The following NELL1 variants were observed in gnomAD, a reference collection of about 807,000 sequenced individuals.
The protein encoded by NELL1 is neural EGFL like 1.
In NELL1, 76 loss-of-function variants were observed where a neutral mutation model predicts 107.4. That is an observed-to-expected ratio of 0.71 (90% confidence interval 0.59 to 0.86). The LOEUF (loss-of-function observed/expected upper bound fraction) is 0.86. Among genes scored for constraint, NELL1 ranks in the 40% least tolerant of loss-of-function variants. The probability of loss-of-function intolerance (pLI) is 0.00; values close to 1 mark genes in which losing one functional copy is unlikely to be tolerated. For missense variants in NELL1, 1,024 were observed against 1,005.5 expected (o/e 1.02, Z -0.25); for synonymous variants, 353 against 341.2 (o/e 1.03, Z -0.38).
At chr11:21,037,811 A>G (rs1195221672) in intron 12 of NELL1, among the ~76,000 whole-genome samples, 8 of 152,152 alleles carry the variant, frequency 5.3e-5, no homozygotes, top group African/African-American at 1.9e-4. Context: ...AGGGTTTGCT[A>G]TATTTTATCC....
chr11:21,207,317 T>A, intron 13 of NELL1, among the ~76,000 whole-genome samples: 1 of 152,184 alleles, frequency 6.6e-6, no homozygotes, highest in East Asian at 1.9e-4. Context: ...CTCAGAGACA[T>A]CAAGTATGCT....
intron 12 of NELL1, among the ~76,000 whole-genome samples, chr11:20,966,507 T>C (rs1564990594): frequency 6.6e-6 from 1 of 152,102 alleles, no homozygotes; most frequent in Non-Finnish European, 1.5e-5. Flanking sequence ...TTTCCAGATA[T>C]TCAGAATGCT....
chr11:21,234,655 C>G (rs1858154900), intron 14 of NELL1, among the ~76,000 whole-genome samples: 1 of 152,180 alleles, frequency 6.6e-6, no homozygotes, highest in Admixed American at 6.5e-5. Flanking sequence ...TGAAACCATT[C>G]ATTATGAGTA....
intron 14 of NELL1, chr11:21,283,687 T>C (rs1849046895): frequency 2.5e-5 from 4 of 161,414 alleles, no homozygotes; most frequent in African/African-American, 9.6e-5. Context: ...CAAGCAAGAA[T>C]CATGGGTCCA....
chr11:21,100,720 A>G (rs1161230747), intron 12 of NELL1, among the ~76,000 whole-genome samples: 1 of 152,166 alleles, frequency 6.6e-6, no homozygotes, highest in Non-Finnish European at 1.5e-5. Context: ...TAGAGGGCCC[A>G]AGACTCTGCT....
chr11:20,978,262 A>T (rs1590490969), intron 12 of NELL1, among the ~76,000 whole-genome samples: 1 of 152,206 alleles, frequency 6.6e-6, no homozygotes, highest in East Asian at 1.9e-4. Flanking sequence ...GCTGTTGTCG[A>T]CAGCCAGTAT....
At chr11:20,919,936 G>T (rs1850341309) in intron 7 of NELL1, among the ~76,000 whole-genome samples, 1 of 152,086 alleles carries the variant, frequency 6.6e-6, no homozygotes, top group Admixed American at 6.6e-5. Context: ...CCTGCCGTTT[G>T]CTGGGCACTG....
intron 3 of NELL1, among the ~76,000 whole-genome samples, chr11:20,813,978 A>G (rs1268882614): frequency 6.6e-6 from 1 of 151,256 alleles, no homozygotes; most frequent in Non-Finnish European, 1.5e-5. Context: ...GTTATTTATA[A>G]ATAAATTTAT....
intron 2 of NELL1, among the ~76,000 whole-genome samples, chr11:20,706,986 A>C (rs531385825): frequency 1.3e-5 from 2 of 152,134 alleles, no homozygotes; most frequent in Non-Finnish European, 2.9e-5. Flanking sequence ...CACTCTCCCC[A>C]TCATTTTTAG....
intron 16 of NELL1, among the ~76,000 whole-genome samples, chr11:21,554,245 A>C (rs1256608929): frequency 6.6e-6 from 1 of 151,894 alleles, no homozygotes; most frequent in Non-Finnish European, 1.5e-5. Flanking sequence ...GTCTACAGTA[A>C]AACACCTAAA....
intron 14 of NELL1, among the ~76,000 whole-genome samples, chr11:21,299,117 A>G (rs1010953413): frequency 2.6e-5 from 4 of 152,152 alleles, no homozygotes; most frequent in African/African-American, 7.2e-5. Flanking sequence ...CACTGAGTTG[A>G]TAACAGTCTA....
chr11:20,793,949 C>T (rs992138123), intron 3 of NELL1, among the ~76,000 whole-genome samples: 1 of 152,078 alleles, frequency 6.6e-6, no homozygotes, highest in Non-Finnish European at 1.5e-5. Flanking sequence ...TAAATACAGA[C>T]ATATGACTTT....
intron 12 of NELL1, among the ~76,000 whole-genome samples, chr11:20,964,105 A>G (rs184194744): frequency 3.0e-4 from 46 of 152,284 alleles, no homozygotes; most frequent in African/African-American, 1.0e-3. Context: ...CAGGAGGAGC[A>G]TTCTCCATTT....
chr11:21,421,864 C>A (rs531914999), intron 15 of NELL1, among the ~76,000 whole-genome samples: 195 of 152,188 alleles, frequency 1.3e-3, no homozygotes, highest in African/African-American at 4.6e-3. Context: ...ACCGTCAAAA[C>A]CCCAAAACAA....
At position 21,101,151 on chromosome 11, in the gene NELL1, C is replaced by T. The variant is rs185386169; in HGVS notation, c.1301-12438C>T. ...ATGGTTTCCAGCTTCATCCATGTCC[C>T]TACAAAGGACATGAACTCGTCATTT... On this transcript the variant is annotated intron_variant, in intron 12 of 19. Coordinates refer to ENST00000357134, the MANE Select transcript of NELL1 (RefSeq NM_006157.5). Among the ~76,000 whole-genome samples, 199 of 152,228 alleles carry T rather than the reference C, an allele frequency of 1.3e-3. 1 individual carries two copies. The highest frequency in any genetic ancestry group is 0.011 in the East Asian group (58 of 5,174).
intron 4 of NELL1, among the ~76,000 whole-genome samples, chr11:20,852,465 A>ACC (rs1214101134): frequency 2.0e-5 from 3 of 152,220 alleles, no homozygotes; most frequent in Non-Finnish European, 2.9e-5. Context: ...ATATGTGTAG[A>ACC]CTTTTCATAA....
At chr11:21,008,521 C>T (rs1346586404) in intron 12 of NELL1, among the ~76,000 whole-genome samples, 1 of 152,004 alleles carries the variant, frequency 6.6e-6, no homozygotes, top group Non-Finnish European at 1.5e-5. Flanking sequence ...TTTTTAGAAT[C>T]ATAGTAGGTG....
chr11:21,101,766 C>A (rs898238807), intron 12 of NELL1, among the ~76,000 whole-genome samples: 2 of 152,064 alleles, frequency 1.3e-5, no homozygotes, highest in African/African-American at 2.4e-5. Context: ...TAGATTGCAA[C>A]AATTTTCTCC....
intron 15 of NELL1, among the ~76,000 whole-genome samples, chr11:21,429,743 G>A (rs970678440): frequency 6.6e-6 from 1 of 152,168 alleles, no homozygotes; most frequent in African/African-American, 2.4e-5. Flanking sequence ...AAGAGGCAGT[G>A]AGCAGGAAAG....
Sources: allele counts gnomAD v4.1 joint callset (sites outside exome capture counted in the v4.1 genomes callset), GRCh38; gene constraint gnomAD v4.1.1; transcripts MANE v1.5; gene names NCBI Gene and HGNC (gene_info 2026-07-23, HGNC 2026-07-21).